FBXL17: variants seen among roughly 807,000 people sequenced by gnomAD.
The protein encoded by FBXL17 is F-box and leucine rich repeat protein 17.
FBXL17 carries 22 observed loss-of-function variants against 66.2 expected under a neutral mutation model. That is an observed-to-expected ratio of 0.33 (90% CI 0.24 to 0.47). The LOEUF (loss-of-function observed/expected upper bound fraction) is 0.47. Ranked by LOEUF, FBXL17 falls within the 20% of genes least tolerant of loss-of-function variation. The pLI, the probability that FBXL17 is intolerant of heterozygous loss-of-function variation, is 1.00. For missense variants in FBXL17, 878 were observed against 948.2 expected (o/e 0.93, Z 0.97); for synonymous variants, 474 against 400.5 (o/e 1.18, Z -2.19).
chr5:108,043,708 T>G (rs1747137126), intron 6 of FBXL17, among the ~76,000 whole-genome samples: 1 of 152,182 alleles, frequency 6.6e-6, no homozygotes, highest in South Asian at 2.1e-4. Context: ...TCTTTTGACT[T>G]TCCATGTAAG....
intron 5 of FBXL17, among the ~76,000 whole-genome samples, chr5:108,191,712 C>T (rs1753477783): frequency 6.6e-6 from 1 of 152,156 alleles, no homozygotes; most frequent in Non-Finnish European, 1.5e-5. Context: ...AGGCCTACTC[C>T]TCACAATAAG....
chr5:108,089,455 A>G (rs1749106862), intron 6 of FBXL17, among the ~76,000 whole-genome samples: 1 of 151,784 alleles, frequency 6.6e-6, no homozygotes, highest in Non-Finnish European at 1.5e-5. Context: ...AATGCTCACC[A>G]CTCTCCCATA....
intron 6 of FBXL17, among the ~76,000 whole-genome samples, chr5:108,063,190 C>T (rs995047391): frequency 3.3e-5 from 5 of 152,004 alleles, no homozygotes; most frequent in Admixed American, 2.6e-4. Flanking sequence ...GCTGACATTC[C>T]TAAATGTACA....
chr5:108,264,822 A>T (rs1217536576), intron 4 of FBXL17, among the ~76,000 whole-genome samples: 2 of 151,872 alleles, frequency 1.3e-5, no homozygotes, highest in Non-Finnish European at 2.9e-5. Flanking sequence ...TCAGTGAAAG[A>T]ATAAACCGGT....
intron 6 of FBXL17, among the ~76,000 whole-genome samples, chr5:108,099,290 C>G (rs2149938705): frequency 6.6e-6 from 1 of 152,238 alleles, no homozygotes; most frequent in South Asian, 2.1e-4. Context: ...TGTAGGGGGG[C>G]AGTATTTTGC....
At chr5:108,234,497 A>AATTAGGAT (rs1370322812) in intron 4 of FBXL17, among the ~76,000 whole-genome samples, 2 of 152,194 alleles carry the variant, frequency 1.3e-5, no homozygotes, top group Non-Finnish European at 2.9e-5. Context: ...ATGTTATACC[A>AATTAGGAT]ATTAGGATAT....
intron 6 of FBXL17, among the ~76,000 whole-genome samples, chr5:108,132,921 A>G (rs1750992096): frequency 6.6e-6 from 1 of 152,212 alleles, no homozygotes; most frequent in Non-Finnish European, 1.5e-5. Flanking sequence ...TGGCATAGAA[A>G]CATGGAACCA....
In FBXL17 at chr5:108,179,881, T is replaced by A. The variant is rs149942201; in HGVS notation, c.1745+6236A>T. 4.1e-4 allele frequency among the ~76,000 whole-genome samples: 62 copies of A among 152,284 alleles called. 1 individual carries two copies. Among genetic ancestry groups the A allele is most frequent in the African/African-American group, 1.5e-3 (61 of 41,542 alleles). Reference sequence around the variant, plus strand: ...AACCATATGATTTAAATATGAAATATCTAAAATTCTCTGCATCTCAATTTT... The same window carrying A: ...AACCATATGATTTAAATATGAAATAACTAAAATTCTCTGCATCTCAATTTT... On this transcript the variant is annotated intron_variant, in intron 6 of 8. Transcript: ENST00000542267.
At chr5:107,870,771 G>A (rs1437147136) in intron 8 of FBXL17, among the ~76,000 whole-genome samples, 1 of 151,808 alleles carries the variant, frequency 6.6e-6, no homozygotes, top group Non-Finnish European at 1.5e-5. Flanking sequence ...ATTTTTAGTA[G>A]GGATGGGGTT....
chr5:108,243,458 C>T (rs1253622515), intron 4 of FBXL17, among the ~76,000 whole-genome samples: 1 of 152,268 alleles, frequency 6.6e-6, no homozygotes, highest in East Asian at 1.9e-4. Context: ...TTTTGTCACA[C>T]ACATACACAT....
At chr5:108,277,874 T>G (rs1029028214) in intron 4 of FBXL17, among the ~76,000 whole-genome samples, 8 of 152,228 alleles carry the variant, frequency 5.3e-5, no homozygotes, top group Non-Finnish European at 1.2e-4. Flanking sequence ...TCTTAAAAAA[T>G]GTATATACCT....
intron 4 of FBXL17, among the ~76,000 whole-genome samples, chr5:108,296,768 A>G (rs1044912179): frequency 1.3e-5 from 2 of 151,746 alleles, no homozygotes; most frequent in East Asian, 1.9e-4. Context: ...TATCATTAAA[A>G]TATCTTTTAA....
chr5:107,894,361 G>A (rs1310073989), intron 7 of FBXL17, among the ~76,000 whole-genome samples: 1 of 152,128 alleles, frequency 6.6e-6, no homozygotes, highest in Non-Finnish European at 1.5e-5. Context: ...TTCCTCTAGT[G>A]GCATACTGAG....
chr5:107,937,143 A>T (rs1044979664), intron 7 of FBXL17, among the ~76,000 whole-genome samples: 4 of 152,160 alleles, frequency 2.6e-5, no homozygotes, highest in African/African-American at 4.8e-5. Flanking sequence ...AAACAAAAAA[A>T]ATCCATATTC....
chr5:107,871,549 TC>T lies in FBXL17; in HGVS notation c.1965+9487del, dbSNP rs548512469. ...TGTTTCCAGCCAAGTGCATGCAAGC[TC>T]CAGGTACACAACCATGTGTTGGCCG... On this transcript the variant is annotated intron_variant, in intron 8 of 8. Transcript: ENST00000542267. Among the ~76,000 whole-genome samples, 38 of 152,240 alleles carry T rather than the reference TC, an allele frequency of 2.5e-4. 1 individual carries two copies. Among genetic ancestry groups the T allele is most frequent in the Middle Eastern group, 6.8e-3 (2 of 294 alleles).
chr5:107,987,828 G>A (rs961320839), intron 7 of FBXL17, among the ~76,000 whole-genome samples: 2 of 151,946 alleles, frequency 1.3e-5, no homozygotes, highest in African/African-American at 4.8e-5. Flanking sequence ...GCCAAACAAT[G>A]AATACATCTA....
intron 7 of FBXL17, among the ~76,000 whole-genome samples, chr5:107,996,064 A>G (rs572112564): frequency 6.6e-6 from 1 of 152,326 alleles, no homozygotes; most frequent in Non-Finnish European, 1.5e-5. Context: ...TATGACCAAA[A>G]ACTCAACAAC....
chr5:108,144,002 C>T (rs1182174473), intron 6 of FBXL17, among the ~76,000 whole-genome samples: 2 of 151,826 alleles, frequency 1.3e-5, no homozygotes, highest in Non-Finnish European at 2.9e-5. Context: ...ATAGCATCTC[C>T]TTATCTGCAG....
At chr5:108,225,904 T>C (rs112741533) in intron 4 of FBXL17, among the ~76,000 whole-genome samples, 14 of 152,332 alleles carry the variant, frequency 9.2e-5, no homozygotes, top group African/African-American at 2.9e-4. Flanking sequence ...TTGCTTCTTG[T>C]ATCAACTATC....
Sources: gnomAD v4.1 joint callset for allele counts (sites outside exome capture counted in the v4.1 genomes callset) on GRCh38, gnomAD v4.1.1 for gene constraint, MANE v1.5 for transcripts, NCBI Gene and HGNC (gene_info 2026-07-23, HGNC 2026-07-21) for gene names.